The following ZSCAN5A variants were observed in gnomAD, a reference collection of about 807,000 sequenced individuals.
ZSCAN5A encodes the protein zinc finger and SCAN domain containing 5A.
In ZSCAN5A, 12 loss-of-function variants were observed where a neutral mutation model predicts 23.7. That is an observed-to-expected ratio of 0.51 (90% CI 0.32 to 0.82). The LOEUF (loss-of-function observed/expected upper bound fraction) is 0.82. Among genes scored for constraint, ZSCAN5A ranks in the 40% least tolerant of loss-of-function variants. ZSCAN5A has a pLI of 0.03. For missense variants in ZSCAN5A, 597 were observed against 617.9 expected (o/e 0.97, Z 0.36); for synonymous variants, 257 against 239.9 (o/e 1.07, Z -0.66).
chr19:56,245,315 G>C (rs767377883), intron 2 of ZSCAN5A: 4 of 744,640 alleles, frequency 5.4e-6, no homozygotes, highest in African/African-American at 1.7e-5. Context: ...TGATCCGAGA[G>C]GCGTGTCCAG....
In ZSCAN5A at chr19:56,301,967, G is replaced by T. The variant is rs2040262758; in HGVS notation, c.-128+11316C>A. On this transcript the variant is annotated intron_variant, in intron 2 of 5. Coordinates refer to ENST00000683990, the MANE Select transcript of ZSCAN5A (RefSeq NM_001322064.3). ...TCAATCATCTCCACGGTTCTCTCCAGTTAAACCCTTCTCAGGCACCACCCC... is the reference window on the plus strand; with the variant it reads ...TCAATCATCTCCACGGTTCTCTCCATTTAAACCCTTCTCAGGCACCACCCC... 4 of 1,232,100 alleles carry T rather than the reference G, an allele frequency of 3.2e-6. No homozygotes were observed. The East Asian group carries it at 1.3e-4, about 39-fold the overall frequency. 76.3% of individuals were successfully genotyped at this position (1,232,100 alleles called of 1,614,324 possible).
intron 2 of ZSCAN5A, chr19:56,319,874 C>T: frequency 1.2e-6 from 1 of 832,330 alleles, no homozygotes; most frequent in Non-Finnish European, 2.1e-6. Flanking sequence ...TCCAGACACC[C>T]TTCCTTTTTG....
intron 2 of ZSCAN5A, among the ~76,000 whole-genome samples, chr19:56,341,866 A>G (rs2041595741): frequency 6.6e-6 from 1 of 152,138 alleles, no homozygotes; most frequent in South Asian, 2.1e-4. Flanking sequence ...CCTGAAAATG[A>G]GTTGAAGGAG....
chr19:56,289,496 A>C lies in ZSCAN5A; in HGVS notation c.-128+23787T>G, dbSNP rs1016379347. 6.6e-5 allele frequency among the ~76,000 whole-genome samples: 10 copies of C among 152,210 alleles called. No homozygotes were observed. In the South Asian group the frequency reaches 1.9e-3, roughly 28 times the overall value. On this transcript the variant is annotated intron_variant, in intron 2 of 5. Transcript: ENST00000683990. ...AAGACGGAGAGAGACCCCTCTTCCC[A>C]TGAGTACTGATCCTCGAGGCCAAAG...
chr19:56,264,674 T>C (rs1486405235), intron 2 of ZSCAN5A, among the ~76,000 whole-genome samples: 3 of 152,246 alleles, frequency 2.0e-5, no homozygotes, highest in Non-Finnish European at 4.4e-5. Flanking sequence ...TGCTTATGTA[T>C]TGTCTCTGGT....
intron 2 of ZSCAN5A, among the ~76,000 whole-genome samples, chr19:56,323,606 G>A (rs1264417537): frequency 1.4e-5 from 2 of 146,402 alleles, no homozygotes; most frequent in Admixed American, 1.4e-4. Flanking sequence ...GTATGATCTC[G>A]GCTCACTGCA....
chr19:56,234,980 C>T (rs1049292609), intron 2 of ZSCAN5A, among the ~76,000 whole-genome samples: 3 of 152,244 alleles, frequency 2.0e-5, no homozygotes, highest in African/African-American at 7.2e-5. Flanking sequence ...GCAGCCAGTT[C>T]TAGGCAAGAT....
chr19:56,278,551 T>C (rs1240505562), intron 2 of ZSCAN5A, among the ~76,000 whole-genome samples: 1 of 152,188 alleles, frequency 6.6e-6, no homozygotes, highest in African/African-American at 2.4e-5. Context: ...GACAGAACCA[T>C]GAAGATATAC....
intron 2 of ZSCAN5A, among the ~76,000 whole-genome samples, chr19:56,258,495 G>A (rs2036885420): frequency 6.6e-6 from 1 of 150,584 alleles, no homozygotes; most frequent in African/African-American, 2.5e-5. Flanking sequence ...TCCAGTGTGG[G>A]GGTGACGGAC....
intron 5 of ZSCAN5A, 103 bp downstream of exon 5, chr19:56,222,488 C>T (rs1259224310): frequency 6.4e-7 from 1 of 1,553,356 alleles, no homozygotes; most frequent in Non-Finnish European, 8.7e-7. Flanking sequence ...GAGGCTTTGA[C>T]AGCTGAGTGC....
chr19:56,329,967 A>T (rs2041474923), intron 2 of ZSCAN5A, among the ~76,000 whole-genome samples: 1 of 152,120 alleles, frequency 6.6e-6, no homozygotes, highest in Admixed American at 6.5e-5. Context: ...ATAGTTTTTC[A>T]GCCCTTGCCT....
intron 2 of ZSCAN5A, among the ~76,000 whole-genome samples, chr19:56,293,058 C>T (rs113219471): frequency 0.029 from 4,352 of 152,294 alleles, 70 homozygotes; most frequent in Middle Eastern, 0.071. Flanking sequence ...AGTTCTGAGA[C>T]ACCATCCTGT....
intron 2 of ZSCAN5A, chr19:56,244,207 G>C (rs769456684): frequency 3.1e-6 from 5 of 1,609,022 alleles, no homozygotes; most frequent in South Asian, 1.1e-5. Context: ...GCCCAGAGGA[G>C]TCGGACCCCA....
At chr19:56,234,698 C>T (rs921377503) in intron 2 of ZSCAN5A, among the ~76,000 whole-genome samples, 11 of 146,786 alleles carry the variant, frequency 7.5e-5, no homozygotes, top group African/African-American at 2.7e-4. Flanking sequence ...CTCTGACCAC[C>T]GGTGCATGCA....
chr19:56,292,366 G>A (rs2039567353), intron 2 of ZSCAN5A, among the ~76,000 whole-genome samples: 1 of 152,172 alleles, frequency 6.6e-6, no homozygotes, highest in Non-Finnish European at 1.5e-5. Context: ...GGGCTCAAGC[G>A]ATCCTTCTTT....
chr19:56,315,491 C>T (rs1390919346), upstream of ZSCAN5A: 1 of 152,262 alleles, frequency 6.6e-6, no homozygotes, highest in Admixed American at 6.5e-5. Context: ...TCTGAATGGG[C>T]TTCGAGTCTC....
At chr19:56,367,493 GAAGT>G (rs749980691) in intron 1 of ZSCAN5A, 1 of 152,220 alleles carries the variant, frequency 6.6e-6, no homozygotes, top group Non-Finnish European at 1.5e-5. Flanking sequence ...CTGTAAACAA[GAAGT>G]AATTTGAACT....
In ZSCAN5A at chr19:56,246,693, A is replaced by G. The variant is rs765691523; in HGVS notation, c.-127-21520T>C. The G allele has an allele frequency of 1.0e-5, 10 of 1,001,576 alleles. No individual in the cohort carries two copies. In the South Asian group the frequency reaches 1.4e-4, roughly 14 times the overall value. The allele number at this position is 1,001,576 out of a possible 1,614,324, so 62.0% of individuals were successfully genotyped here. A position where few individuals can be genotyped will look rare whatever the true frequency, so the allele number is the denominator to read the frequency against. ...AATGAGTTTGGTGTATTGAAAATGT[A>G]CCTTATTAACTGTTGTGTGTGGAAT... On this transcript the variant is annotated intron_variant, in intron 2 of 5. Transcript: ENST00000683990.
At chr19:56,347,542 C>T (rs2041642137) in intron 2 of ZSCAN5A, 1 of 152,176 alleles carries the variant, frequency 6.6e-6, no homozygotes, top group Non-Finnish European at 1.5e-5. Context: ...CTGTCTGGCT[C>T]TCTCAGCTAA....
Sources: allele counts gnomAD v4.1 joint callset (sites outside exome capture counted in the v4.1 genomes callset), GRCh38; gene constraint gnomAD v4.1.1; transcripts MANE v1.5; gene names NCBI Gene and HGNC (gene_info 2026-07-23, HGNC 2026-07-21).